The following AMPH variants were observed in gnomAD, a reference collection of about 807,000 sequenced individuals.
AMPH encodes the protein amphiphysin (Stiff-Mann syndrome with breast cancer 128kD autoantigen).
AMPH carries 49 observed loss-of-function variants against 99.1 expected under a neutral mutation model. The ratio of observed to expected loss-of-function variants is 0.49; its 90% confidence interval spans 0.39 to 0.63. The LOEUF is 0.63. Ranked by LOEUF, AMPH falls within the 20% of genes least tolerant of loss-of-function variation. AMPH has a pLI of 0.00. For missense variants in AMPH, 759 were observed against 863.4 expected, an observed-to-expected ratio of 0.88 and a Z score of 1.52; for synonymous variants, 314 against 317.3, an observed-to-expected ratio of 0.99 and a Z score of 0.11.
At chr7:38,393,123 A>G (rs3778888) in intron 18 of AMPH, among the ~76,000 whole-genome samples, 8,346 of 151,838 alleles carry the variant, frequency 0.055, 652 homozygotes, top group East Asian at 0.39. Flanking sequence ...ACACAAAAAC[A>G]CTCTGGGCAC....
intron 2 of AMPH, among the ~76,000 whole-genome samples, chr7:38,521,490 C>T (rs1052449481): frequency 1.3e-5 from 2 of 152,144 alleles, no homozygotes; most frequent in African/African-American, 4.8e-5. Context: ...CACTTCACTC[C>T]AGCCTGGGTG....
chr7:38,523,142 A>T (rs950005176), intron 2 of AMPH, among the ~76,000 whole-genome samples: 1 of 151,848 alleles, frequency 6.6e-6, no homozygotes, highest in African/African-American at 2.4e-5. Context: ...GGAGAGCCCA[A>T]ATAAAGCAGG....
At chr7:38,517,353 A>C (rs1284821821) in intron 2 of AMPH, among the ~76,000 whole-genome samples, 1 of 152,162 alleles carries the variant, frequency 6.6e-6, no homozygotes, top group Non-Finnish European at 1.5e-5. Context: ...ATAGTGAGTG[A>C]GTTCTCATGA....
intron 1 of AMPH, among the ~76,000 whole-genome samples, chr7:38,616,676 T>C (rs1461895676): frequency 6.6e-6 from 1 of 152,214 alleles, no homozygotes; most frequent in Non-Finnish European, 1.5e-5. Context: ...AAGGAACTGC[T>C]CCTACAGATG....
rs1401284825 is a variant in AMPH, at chr7:38,417,828, T to C, written c.1395A>G (p.Ala465=). The change falls in exon 17 of 21, where the codon GCA becomes GCG. Residue 465 remains alanine, a synonymous_variant. Coordinates refer to ENST00000356264, the MANE Select transcript of AMPH (RefSeq NM_001635.4). ...GTGAGAGGGAGGTGGTGCTCACCACTGCCTCCTCCACTGGCTCCTCAGCCC... is the reference window on the plus strand; with the variant it reads ...GTGAGAGGGAGGTGGTGCTCACCACCGCCTCCTCCACTGGCTCCTCAGCCC... ...DTRAEEPVEE[A]VIIPGADADA... 4 of 1,613,834 alleles carry C rather than the reference T, an allele frequency of 2.5e-6. No individual in the cohort carries two copies. Among genetic ancestry groups the C allele is most frequent in the Non-Finnish European group, 3.4e-6 (4 of 1,179,866 alleles).
In AMPH at chr7:38,490,986, C is replaced by A. The variant is rs1788696734; in HGVS notation, c.396+64G>T. The A allele has an allele frequency of 1.3e-5, 13 of 1,022,190 alleles. No individual in the cohort carries two copies. In the South Asian group the frequency reaches 1.9e-4, roughly 15 times the overall value. 63.3% of individuals were successfully genotyped at this position (1,022,190 alleles called of 1,614,324 possible). ...AGGACTTGTAATAATTCTTCTCTTG[C>A]CCATGTTTCAATAACTACATGACCC... is the stretch of plus-strand genomic sequence containing the variant. On this transcript the variant is annotated intron_variant, in intron 5 of 20. Coordinates refer to ENST00000356264, the MANE Select transcript of AMPH (RefSeq NM_001635.4).
intron 3 of AMPH, among the ~76,000 whole-genome samples, chr7:38,501,346 A>T (rs946759649): frequency 7.9e-5 from 12 of 152,156 alleles, no homozygotes; most frequent in African/African-American, 2.7e-4. Flanking sequence ...ATGCGCCACC[A>T]CACCTGACTA....
rs1445502736 is a variant in AMPH at position 38,407,060 on chromosome 7, A to C, written c.1398+10765T>G. 0.025 allele frequency among the ~76,000 whole-genome samples: 433 copies of C among 17,204 alleles called. 27 individuals are homozygous for C. The East Asian group carries it at 0.26, about 10-fold the overall frequency. 11.3% of individuals were successfully genotyped at this position (17,204 alleles called of 152,430 possible). On this transcript the variant is annotated intron_variant, in intron 17 of 20. Transcript: ENST00000356264. ...TCTCTCTCTCTCTCTATATATATAT[A>C]TATATATATATATATATGTGTGTGT... is the stretch of plus-strand genomic sequence containing the variant.
At chr7:38,428,794 C>G (rs1785884145) in intron 14 of AMPH, 2 of 461,148 alleles carry the variant, frequency 4.3e-6, no homozygotes, top group Non-Finnish European at 8.6e-6. Context: ...TCACTAAGTT[C>G]TTTTGCCATA....
rs776397586 is a variant in AMPH, at chr7:38,463,108, G to A, written c.755C>T (p.Ser252Leu). ...TGTCTTTGCAATGCGGAGAGGACCCGAATCACTAGAGGAACACAGGGGATT... is the reference window on the plus strand; with the variant it reads ...TGTCTTTGCAATGCGGAGAGGACCCAAATCACTAGAGGAACACAGGGGATT... ...AFTIQGAPSD[S>L]GPLRIAKTPS... The change falls in exon 10 of 21, where the codon TCG (serine) becomes TTG (leucine). Residue 252 changes from serine (S) to leucine (L), a missense_variant. Physicochemically the swap from Ser to Leu is moderately radical, Grantham distance 145. Transcript: ENST00000356264. The A allele has an allele frequency of 4.3e-6, 7 of 1,613,470 alleles. No individual in the cohort carries two copies. Among genetic ancestry groups the A allele is most frequent in the East Asian group, 4.5e-5 (2 of 44,888 alleles).
intron 1 of AMPH, among the ~76,000 whole-genome samples, chr7:38,574,392 A>G (rs1792156207): frequency 6.6e-6 from 1 of 152,180 alleles, no homozygotes; most frequent in African/African-American, 2.4e-5. Context: ...CCCCTCTCAA[A>G]CAGCAGGATC....
intron 11 of AMPH, among the ~76,000 whole-genome samples, chr7:38,453,034 T>C (rs143177358): frequency 1.3e-5 from 2 of 152,260 alleles, no homozygotes; most frequent in Non-Finnish European, 2.9e-5. Flanking sequence ...TTTGACATCT[T>C]GACATGAGAC....
At chr7:38,414,648 C>T (rs994996206) in intron 17 of AMPH, among the ~76,000 whole-genome samples, 5 of 151,414 alleles carry the variant, frequency 3.3e-5, no homozygotes, top group Admixed American at 6.6e-5. Flanking sequence ...CATATTGAAA[C>T]GAATATTGAA....
chr7:38,625,962 T>C (rs1270942229), intron 1 of AMPH, among the ~76,000 whole-genome samples: 2 of 152,196 alleles, frequency 1.3e-5, no homozygotes, highest in African/African-American at 4.8e-5. Flanking sequence ...TAACAATTTT[T>C]GTTCAGTGTA....
At position 38,394,158 on chromosome 7, in the gene AMPH, C is replaced by A. The variant is rs748496739; in HGVS notation, c.1455G>T (p.Glu485Asp). ...CCTCTGCTTCCTCTCCTGGGGCCCC[C>A]TCAGCTGCTGACACCAAGGTTCCAA... Reference protein sequence around the residue: ...AAVGTLVSAAEGAPGEEAEAE... With the variant: ...AAVGTLVSAADGAPGEEAEAE... The change falls in exon 18 of 21, where the codon GAG becomes GAT. Residue 485 changes from glutamate to aspartate, a missense_variant. This residue lies in a region of AMPH where 554 missense variants were observed against 575.6 expected (regional missense o/e 0.96). Coordinates refer to ENST00000356264, the MANE Select transcript of AMPH (RefSeq NM_001635.4). 2.5e-6 allele frequency: 4 copies of A among 1,614,236 alleles called. No homozygotes were observed. Among genetic ancestry groups the A allele is most frequent in the Admixed American group, 3.3e-5 (2 of 60,026 alleles).
At chr7:38,483,144 C>T (rs1042192681) in intron 5 of AMPH, among the ~76,000 whole-genome samples, 3 of 152,108 alleles carry the variant, frequency 2.0e-5, no homozygotes, top group Admixed American at 2.0e-4. Context: ...AGCATCCCAA[C>T]TTTTCTGACT....
At chr7:38,481,043 C>T (rs1322842164) in intron 5 of AMPH, among the ~76,000 whole-genome samples, 1 of 152,144 alleles carries the variant, frequency 6.6e-6, no homozygotes, top group African/African-American at 2.4e-5. Flanking sequence ...TAATGTGACT[C>T]ATTTTCTTAT....
At chr7:38,587,735 T>C (rs1248559386) in intron 1 of AMPH, among the ~76,000 whole-genome samples, 1 of 152,174 alleles carries the variant, frequency 6.6e-6, no homozygotes, top group Non-Finnish European at 1.5e-5. Flanking sequence ...ACCATGTGTA[T>C]GCCAATGTCT....
intron 2 of AMPH, 88 bp from the exon 3 acceptor site, chr7:38,503,792 G>T: frequency 7.6e-7 from 1 of 1,321,522 alleles, no homozygotes; most frequent in Non-Finnish European, 1.1e-6. Flanking sequence ...AGTTACTATT[G>T]CCAGAAGCTC....
Sources: allele counts gnomAD v4.1 joint callset (sites outside exome capture counted in the v4.1 genomes callset), GRCh38; gene constraint gnomAD v4.1.1; regional missense constraint gnomAD v4.1.1; transcripts MANE v1.5; gene names NCBI Gene and HGNC (gene_info 2026-07-23, HGNC 2026-07-21).